BBS2: variants seen among roughly 807,000 people sequenced by gnomAD.
BBS2 encodes the protein Bardet-Biedl syndrome 2.
In BBS2, 62 loss-of-function variants were observed where a neutral mutation model predicts 83.0. The observed-to-expected ratio is 0.75, with a 90% CI of 0.61 to 0.92. The LOEUF (loss-of-function observed/expected upper bound fraction) is 0.92, where lower values mean the gene tolerates loss of function less well. Among genes scored for constraint, BBS2 ranks in the 40% least tolerant of loss-of-function variants. The pLI is 0.00. For missense variants in BBS2, 784 were observed against 901.0 expected (o/e 0.87, Z 1.66); for synonymous variants, 303 against 326.1 (o/e 0.93, Z 0.76).
At chr16:56,478,442 G>C (rs1283416550) in intron 17 of BBS2, 2 of 152,174 alleles carry the variant, frequency 1.3e-5, no homozygotes, top group Non-Finnish European at 2.9e-5. Flanking sequence ...GTTACTAATG[G>C]TTAATGTCAC....
chr16:56,515,419 A>G (rs1420635581), intron 1 of BBS2, among the ~76,000 whole-genome samples: 4 of 152,222 alleles, frequency 2.6e-5, no homozygotes, highest in African/African-American at 9.6e-5. Context: ...GGAATCGTGT[A>G]GCCCTTCGCA....
At chr16:56,509,360 G>C (rs1317521881) in intron 5 of BBS2, 2 of 155,230 alleles carry the variant, frequency 1.3e-5, no homozygotes, top group Non-Finnish European at 2.9e-5. Context: ...AAATTACCCA[G>C]GCGTGGTGGT....
chr16:56,498,048 T>C (rs1964162698), intron 13 of BBS2, among the ~76,000 whole-genome samples, 168 bp from the exon 14 acceptor site: 1 of 152,160 alleles, frequency 6.6e-6, no homozygotes, highest in Admixed American at 6.5e-5. Flanking sequence ...AACTGCATTA[T>C]TTCCAGCAGC....
chr16:56,474,463 G>A (rs1963361379), intron 17 of BBS2, among the ~76,000 whole-genome samples: 1 of 151,728 alleles, frequency 6.6e-6, no homozygotes, highest in African/African-American at 2.4e-5. Context: ...CTGGATTACA[G>A]GCATGCACTA....
At chr16:56,500,021 C>CCTTCTT in intron 11 of BBS2, 114 bp from the exon 12 acceptor site, 1 of 1,344,974 alleles carries the variant, frequency 7.4e-7, no homozygotes, top group Non-Finnish European at 1.1e-6. Context: ...TTAAGGGTTT[C>CCTTCTT]ACTTAAGAAG....
At chr16:56,507,655 T>C (rs1202983523) in intron 5 of BBS2, among the ~76,000 whole-genome samples, 1 of 151,712 alleles carries the variant, frequency 6.6e-6, no homozygotes, top group Non-Finnish European at 1.5e-5. Flanking sequence ...AGAAAGCACA[T>C]ATAAGCACAT....
intron 5 of BBS2, among the ~76,000 whole-genome samples, chr16:56,507,845 G>A (rs1259233833): frequency 6.6e-6 from 1 of 152,140 alleles, no homozygotes; most frequent in African/African-American, 2.4e-5. Context: ...GCAGGTGCCT[G>A]TAATCCCAGC....
At chr16:56,473,248 G>A (rs1963288635) in intron 17 of BBS2, among the ~76,000 whole-genome samples, 1 of 152,148 alleles carries the variant, frequency 6.6e-6, no homozygotes, top group South Asian at 2.1e-4. Context: ...AGTTTTACAT[G>A]TATCTGCTTT....
chr16:56,482,691 A>G (rs775399177), downstream of BBS2, among the ~76,000 whole-genome samples: 64 of 152,206 alleles, frequency 4.2e-4, no homozygotes, highest in Non-Finnish European at 7.8e-4. Flanking sequence ...CACTTCCCCT[A>G]AACAGCTATT....
At chr16:56,492,863 T>G (rs373930653) in intron 15 of BBS2, among the ~76,000 whole-genome samples, 22 of 152,156 alleles carry the variant, frequency 1.4e-4, no homozygotes, top group Admixed American at 9.2e-4. Context: ...ACTGCAGTAA[T>G]CCCATTTGTT....
chr16:56,502,434 C>T lies in BBS2; in HGVS notation c.963G>A (p.Thr321=), dbSNP rs748014865. 58 of 1,614,202 alleles carry T rather than the reference C, an allele frequency of 3.6e-5. No homozygotes were observed. The highest frequency in any genetic ancestry group is 4.7e-5 in the Non-Finnish European group (56 of 1,180,032). ...DGEIRGYLPG[T]AEMRGNLMDT... ...CCATGAGGTTGCCCCTCATCTCAGC[C>T]GTGCCAGGCAGGTAGCCCCGGACTG... The change falls in exon 9 of 17, where the codon ACG becomes ACA. Residue 321 remains threonine (T), a synonymous_variant. Coordinates refer to ENST00000245157, the MANE Select transcript of BBS2 (RefSeq NM_031885.5).
At position 56,511,409 on chromosome 16, in the gene BBS2, G is replaced by A. The variant is rs1305794854; in HGVS notation, c.346-125C>T. The A allele has an allele frequency of 1.5e-5, 20 of 1,349,652 alleles. No homozygotes were observed. The African/African-American group carries it at 2.0e-4, about 14-fold the overall frequency. The allele number at this position is 1,349,652 out of a possible 1,614,324, so 83.6% of individuals were successfully genotyped here. ...AAACAGATTATTATCCATAATGTGGGTGGGCCTCACACATTAACTGGCCCA... is the reference window on the plus strand; with the variant it reads ...AAACAGATTATTATCCATAATGTGGATGGGCCTCACACATTAACTGGCCCA... On this transcript the variant is annotated intron_variant, in intron 2 of 16. Transcript: ENST00000245157.
chr16:56,501,545 C>A, intron 9 of BBS2, 48 bp from the exon 10 acceptor site: 1 of 1,612,938 alleles, frequency 6.2e-7, no homozygotes. Context: ...AAACACTGAA[C>A]TAATATCAAT....
chr16:56,509,956 C>T lies in BBS2; in HGVS notation c.612+1G>A. On this transcript the variant is annotated splice_donor_variant, in intron 5 of 16. Coordinates refer to ENST00000245157, the MANE Select transcript of BBS2 (RefSeq NM_031885.5). LOFTEE classifies it high-confidence loss of function. ...CCATAGTTCGAGGTGGAGCTTCTTA[C>T]CTCTGTTTCTGTCATTTCTGCCACA... The T allele has an allele frequency of 1.2e-6, 2 of 1,613,970 alleles. No homozygotes were observed. Among genetic ancestry groups the T allele is most frequent in the Non-Finnish European group, 1.7e-6 (2 of 1,179,908 alleles).
intron 1 of BBS2, chr16:56,516,186 C>T (rs1347126940): frequency 6.6e-6 from 1 of 152,132 alleles, no homozygotes; most frequent in African/African-American, 2.4e-5. Context: ...CAAGTCTGTC[C>T]CTTCAGGCAA....
chr16:56,491,568 G>A (rs764290417), intron 15 of BBS2, among the ~76,000 whole-genome samples: 5 of 151,822 alleles, frequency 3.3e-5, no homozygotes, highest in Non-Finnish European at 5.9e-5. Context: ...ACCCATTCTC[G>A]GGTATTCTGT....
intron 15 of BBS2, among the ~76,000 whole-genome samples, chr16:56,495,790 GTATA>G (rs766663524): frequency 2.1e-5 from 2 of 97,450 alleles, no homozygotes; most frequent in Admixed American, 1.9e-4. Flanking sequence ...GTGTGTGTGT[GTATA>G]TATATGTATA....
intron 5 of BBS2, among the ~76,000 whole-genome samples, chr16:56,509,137 G>C (rs16958311): frequency 0.035 from 5,384 of 152,282 alleles, 339 homozygotes; most frequent in African/African-American, 0.12. Flanking sequence ...GAATACACAT[G>C]ATGAGGAGGA....
chr16:56,518,458 A>G (rs1964813693), intron 1 of BBS2, among the ~76,000 whole-genome samples: 1 of 152,252 alleles, frequency 6.6e-6, no homozygotes, highest in Non-Finnish European at 1.5e-5. Context: ...GGTAACAATC[A>G]GTGACCACTT....
Sources: gnomAD v4.1 joint callset for allele counts (sites outside exome capture counted in the v4.1 genomes callset) on GRCh38, gnomAD v4.1.1 for gene constraint, MANE v1.5 for transcripts, NCBI Gene and HGNC (gene_info 2026-07-23, HGNC 2026-07-21) for gene names.